The following JAK2 variants were observed in gnomAD, a reference collection of about 807,000 sequenced individuals.
JAK2 encodes tyrosine-protein kinase JAK2.
Under a neutral mutation model 139.3 loss-of-function variants are expected in JAK2, and 86 were observed. The observed-to-expected ratio is 0.62, with a 90% CI of 0.52 to 0.74. JAK2 has a LOEUF of 0.74. Ranked by LOEUF, JAK2 falls within the 30% of genes least tolerant of loss-of-function variation. The probability of loss-of-function intolerance (pLI) is 0.00; values close to 1 mark genes in which losing one functional copy is unlikely to be tolerated. For missense variants in JAK2, 1,421 were observed against 1,360.3 expected, an observed-to-expected ratio of 1.04 and a Z score of -0.70; for synonymous variants, 490 against 437.7, an observed-to-expected ratio of 1.12 and a Z score of -1.49.
chr9:5,061,521 C>T (rs1301843105), intron 8 of JAK2, among the ~76,000 whole-genome samples: 1 of 152,202 alleles, frequency 6.6e-6, no homozygotes, highest in African/African-American at 2.4e-5. Context: ...CCTCTGCTAG[C>T]TTCCAACTTT....
At chr9:4,999,677 C>T (rs900112828) in intron 2 of JAK2, among the ~76,000 whole-genome samples, 2 of 152,180 alleles carry the variant, frequency 1.3e-5, no homozygotes, top group South Asian at 2.1e-4. Flanking sequence ...GGGCAGGAAG[C>T]GTCTTGGCTA....
At position 5,000,782 on chromosome 9, in the gene JAK2, T is replaced by C. The variant is rs1820882245; in HGVS notation, c.-26+14760T>C. Reference sequence around the variant, plus strand: ...ACCATCTTCTTGTTTGATATATTTGTATATGTATTAAGTAAGAACTGGATA... The same window carrying C: ...ACCATCTTCTTGTTTGATATATTTGCATATGTATTAAGTAAGAACTGGATA... On this transcript the variant is annotated intron_variant, in intron 2 of 24. Transcript: ENST00000381652. Among the ~76,000 whole-genome samples the C allele has an allele frequency of 2.0e-5, 3 of 152,226 alleles. No individual in the cohort carries two copies. The South Asian group carries it at 6.2e-4, about 32-fold the overall frequency.
In JAK2 at chr9:5,081,793, G is replaced by A; in HGVS notation, c.2503G>A (p.Ala835Thr). 1 of 1,610,940 alleles carries A rather than the reference G, an allele frequency of 6.2e-7. No individual in the cohort carries two copies. Among genetic ancestry groups the A allele is most frequent in the Non-Finnish European group, 8.5e-7 (1 of 1,177,158 alleles). Residue 835 changes from alanine to threonine, a missense_variant, in exon 19 of 25, where the codon GCC becomes ACC. Transcript: ENST00000381652. ...MRIGALGFSG[A>T]FEDRDPTQFE... Reference sequence around the variant, plus strand: ...GATAGGTGCCCTGGGGTTTTCTGGTGCCTTTGAAGACCGGGATCCTACACA... The same window carrying A: ...GATAGGTGCCCTGGGGTTTTCTGGTACCTTTGAAGACCGGGATCCTACACA...
chr9:4,986,344 CAAGCAATAAGAGAT>C (rs1266175881), intron 2 of JAK2, among the ~76,000 whole-genome samples: 1 of 152,178 alleles, frequency 6.6e-6, no homozygotes, highest in Non-Finnish European at 1.5e-5. Context: ...GGAGTATTTC[CAAGCAATAAGAGAT>C]AGCTTTTGGG....
At chr9:5,083,537 A>G (rs944643799) in intron 19 of JAK2, among the ~76,000 whole-genome samples, 1 of 152,120 alleles carries the variant, frequency 6.6e-6, no homozygotes, top group South Asian at 2.1e-4. Flanking sequence ...ATACAACTTA[A>G]TCACAGTCTT....
At chr9:5,109,534 C>G (rs952163799) in intron 22 of JAK2, 1 of 152,160 alleles carries the variant, frequency 6.6e-6, no homozygotes, top group Admixed American at 6.5e-5. Context: ...CCCTAATCGC[C>G]TTAATCACAC....
At chr9:5,110,842 G>A (rs564717054) in intron 22 of JAK2, 3 of 460,954 alleles carry the variant, frequency 6.5e-6, no homozygotes, top group Non-Finnish European at 1.3e-5. Context: ...CGGGGAAGGT[G>A]GGGGGGACGC....
chr9:5,085,246 G>C, intron 19 of JAK2: 1 of 674,584 alleles, frequency 1.5e-6, no homozygotes. Context: ...AGGACCAGTG[G>C]CTAACCTGAG....
intron 8 of JAK2, among the ~76,000 whole-genome samples, chr9:5,062,500 T>TAAAAAAAAAAAAAAAAAAAAAAAAAAAA (rs58424625): frequency 5.2e-5 from 3 of 58,246 alleles, no homozygotes; most frequent in African/African-American, 3.1e-4. Flanking sequence ...CTTCCATTTG[T>TAAAAAAAAAAAAAAAAAAAAAAAAAAAA]AAAAAAAAAA....
At chr9:5,126,499 C>A in intron 24 of JAK2, 53 bp downstream of exon 24, 1 of 1,248,782 alleles carries the variant, frequency 8.0e-7, no homozygotes, top group Non-Finnish European at 1.2e-6. Flanking sequence ...TTACTTTTTA[C>A]TCAAGGACTT....
intron 22 of JAK2, chr9:5,108,430 C>T (rs906613027): frequency 2.0e-5 from 3 of 152,082 alleles, no homozygotes; most frequent in African/African-American, 7.2e-5. Flanking sequence ...ACTTTAAATA[C>T]TTCAGATTCT....
At chr9:5,095,087 G>A (rs767257244) in intron 22 of JAK2, 17 of 152,088 alleles carry the variant, frequency 1.1e-4, no homozygotes, top group Non-Finnish European at 2.4e-4. Flanking sequence ...TCTTATTTCT[G>A]GAACTATAGG....
intron 22 of JAK2, chr9:5,114,524 G>T (rs200212845): frequency 2.0e-4 from 91 of 466,208 alleles, no homozygotes; most frequent in Non-Finnish European, 4.6e-5. Flanking sequence ...CGCTAGAAGA[G>T]CCGAGGAACC....
rs745955192 is a variant in JAK2, at chr9:5,122,995, T to C, written c.3060-9T>C. 96 of 1,566,352 alleles carry C rather than the reference T, an allele frequency of 6.1e-5. 1 individual carries two copies. The highest frequency in any genetic ancestry group is 1.7e-4 in the Middle Eastern group (1 of 5,960). On this transcript the variant is annotated splice_polypyrimidine_tract_variant and intron_variant, in intron 22 of 24. Transcript: ENST00000381652. ...AACTGTCTTTTAAATGTTATTCATATATTTACAGGTATGCTCCAGAATCAC... is the reference window on the plus strand; with the variant it reads ...AACTGTCTTTTAAATGTTATTCATACATTTACAGGTATGCTCCAGAATCAC...
chr9:5,012,890 G>A (rs563594893), intron 2 of JAK2, among the ~76,000 whole-genome samples: 1 of 152,270 alleles, frequency 6.6e-6, no homozygotes, highest in South Asian at 2.1e-4. Flanking sequence ...AGGTTATTGG[G>A]AGGCAAAGTA....
At chr9:5,041,291 C>G (rs1816487408) in intron 4 of JAK2, 3 of 960,342 alleles carry the variant, frequency 3.1e-6, no homozygotes, top group Non-Finnish European at 4.9e-6. Context: ...GTACACTGGT[C>G]TCAGGACCAA....
chr9:5,123,226 G>A, intron 23 of JAK2, 105 bp downstream of exon 23: 1 of 659,978 alleles, frequency 1.5e-6, no homozygotes, highest in South Asian at 2.1e-5. Flanking sequence ...ATTGCATAGT[G>A]GTGAAGTCAG....
At chr9:5,111,368 C>T (rs1564015019) in intron 22 of JAK2, 1 of 405,592 alleles carries the variant, frequency 2.5e-6, no homozygotes, top group Non-Finnish European at 4.8e-6. Flanking sequence ...ACCCCTCCTA[C>T]GCCAGCAGCT....
intron 5 of JAK2, among the ~76,000 whole-genome samples, chr9:5,050,384 C>T (rs1241461102): frequency 6.6e-6 from 1 of 152,138 alleles, no homozygotes; most frequent in African/African-American, 2.4e-5. Flanking sequence ...GATCCTCCTA[C>T]CTCAGCCCCC....
Sources: allele counts gnomAD v4.1 joint callset (sites outside exome capture counted in the v4.1 genomes callset), GRCh38; gene constraint gnomAD v4.1.1; transcripts MANE v1.5; gene names NCBI Gene and HGNC (gene_info 2026-07-23, HGNC 2026-07-21).